MAMDC2: variants seen among roughly 807,000 people sequenced by gnomAD.
MAMDC2 encodes the protein MAM domain-containing protein 2.
MAMDC2 carries 57 observed loss-of-function variants against 89.8 expected under a neutral mutation model. The ratio of observed to expected loss-of-function variants is 0.63; its 90% CI spans 0.51 to 0.79. The LOEUF is 0.79. Among genes scored for constraint, MAMDC2 ranks in the 30% least tolerant of loss-of-function variants. The pLI, the probability that MAMDC2 is intolerant of heterozygous loss-of-function variation, is 0.00. For synonymous variants in MAMDC2, 313 were observed against 293.4 expected (o/e 1.07, Z -0.68); for missense variants, 800 against 820.6 (o/e 0.97, Z 0.31).
In MAMDC2 at chr9:70,044,261, G is replaced by T. The variant is rs1048456691; in HGVS notation, c.34+30G>T. The T allele has an allele frequency of 1.9e-6, 3 of 1,609,600 alleles. No individual in the cohort carries two copies. The South Asian group carries it at 3.3e-5, about 18-fold the overall frequency. On this transcript the variant is annotated intron_variant, in intron 1 of 13. Coordinates refer to ENST00000377182, the MANE Select transcript of MAMDC2 (RefSeq NM_153267.5). Reference sequence around the variant, plus strand: ...GGCCTGGACCCCGGGACAACCCCGGGGGCGCTCTGACGACTCGCCCCCGCT... The same window carrying T: ...GGCCTGGACCCCGGGACAACCCCGGTGGCGCTCTGACGACTCGCCCCCGCT...
intron 2 of MAMDC2, among the ~76,000 whole-genome samples, chr9:70,073,579 T>A (rs1265008226): frequency 6.6e-6 from 1 of 152,252 alleles, no homozygotes; most frequent in Non-Finnish European, 1.5e-5. Context: ...AAAGACTAGT[T>A]GGAAAAAACT....
In MAMDC2 at chr9:70,221,282, G is replaced by A. The variant is rs575683223; in HGVS notation, c.1911+2686G>A. Among the ~76,000 whole-genome samples the A allele has an allele frequency of 3.2e-4, 47 of 146,106 alleles. 1 individual carries two copies. In the South Asian group the frequency reaches 9.7e-3, roughly 30 times the overall value. On this transcript the variant is annotated intron_variant, in intron 12 of 13. Transcript: ENST00000377182. ...AGGTGGGAGGATTGCCTGAGGCCAG[G>A]AGTTTGAGGTTTGAGATCAGCCTGG... is the stretch of plus-strand genomic sequence containing the variant.
chr9:70,202,142 T>G (rs899918075), intron 11 of MAMDC2, among the ~76,000 whole-genome samples: 1 of 152,028 alleles, frequency 6.6e-6, no homozygotes, highest in Non-Finnish European at 1.5e-5. Context: ...TTAATTGTGA[T>G]GTTAGAGTGT....
chr9:70,109,779 C>A lies in MAMDC2; in HGVS notation c.480C>A (p.Ile160=). ...GNTASIALFE[I]KMTTGYCIEC... is the part of the protein sequence containing the mutation. Reference sequence around the variant, plus strand: ...CAGCCAGCATCGCACTATTTGAAATCAAGATGACAACCGGCTACTGTATTG... The same window carrying A: ...CAGCCAGCATCGCACTATTTGAAATAAAGATGACAACCGGCTACTGTATTG... The change falls in exon 4 of 14, where the codon ATC becomes ATA. Residue 160 remains isoleucine, a synonymous_variant. Transcript: ENST00000377182. The A allele has an allele frequency of 6.2e-7, 1 of 1,613,876 alleles. No homozygotes were observed. Among genetic ancestry groups the A allele is most frequent in the Non-Finnish European group, 8.5e-7 (1 of 1,179,770 alleles).
At chr9:70,133,264 A>G (rs2030874330) in intron 7 of MAMDC2, among the ~76,000 whole-genome samples, 1 of 152,212 alleles carries the variant, frequency 6.6e-6, no homozygotes, top group East Asian at 1.9e-4. Context: ...AGGCAGCTGG[A>G]AGTAACAGAA....
At chr9:70,150,085 T>G (rs1378647066) in intron 9 of MAMDC2, among the ~76,000 whole-genome samples, 1 of 152,162 alleles carries the variant, frequency 6.6e-6, no homozygotes, top group Non-Finnish European at 1.5e-5. Context: ...AGATCAGTAG[T>G]CCTCATGTGT....
At position 70,218,328 on chromosome 9, in the gene MAMDC2, C is replaced by T; in HGVS notation, c.1652-9C>T. 5.0e-6 allele frequency: 8 copies of T among 1,590,224 alleles called. No homozygotes were observed. The highest frequency in any genetic ancestry group is 6.9e-6 in the Non-Finnish European group (8 of 1,165,596). On this transcript the variant is annotated splice_polypyrimidine_tract_variant and intron_variant, in intron 11 of 13. Transcript: ENST00000377182. ...TTTTAACAATACCTGCTTTTGCATT[C>T]ACCTCAAGGCTACTACATGTACATT...
chr9:70,122,439 A>C (rs1201114956), intron 5 of MAMDC2, among the ~76,000 whole-genome samples: 1 of 152,184 alleles, frequency 6.6e-6, no homozygotes, highest in Admixed American at 6.5e-5. Flanking sequence ...CGTCATCTGC[A>C]AGGAAGATGA....
rs1418997590 is a variant in MAMDC2, at chr9:70,225,837, A to G, written c.1996+3A>G. On this transcript the variant is annotated splice_donor_region_variant and intron_variant, in intron 13 of 13. Coordinates refer to ENST00000377182, the MANE Select transcript of MAMDC2 (RefSeq NM_153267.5). ...ATTTCAGGCAGGACCCTGTGGAGGT[A>G]ATATTTTTTCCCAATCATATAAGCT... The G allele has an allele frequency of 6.2e-7, 1 of 1,600,232 alleles. No homozygotes were observed. Among genetic ancestry groups the G allele is most frequent in the Non-Finnish European group, 8.6e-7 (1 of 1,168,368 alleles).
At chr9:70,084,175 C>T (rs969329241) in intron 2 of MAMDC2, among the ~76,000 whole-genome samples, 3 of 152,030 alleles carry the variant, frequency 2.0e-5, no homozygotes, top group Non-Finnish European at 4.4e-5. Flanking sequence ...AGACGGGAGA[C>T]TCATAACCCT....
At chr9:70,166,992 C>T (rs2032196612) in intron 9 of MAMDC2, among the ~76,000 whole-genome samples, 1 of 152,148 alleles carries the variant, frequency 6.6e-6, no homozygotes, top group Non-Finnish European at 1.5e-5. Context: ...TAAAATATAA[C>T]CGCATTCAGG....
intron 11 of MAMDC2, among the ~76,000 whole-genome samples, chr9:70,204,546 G>GAGGC (rs1202847389): frequency 1.3e-5 from 2 of 150,248 alleles, no homozygotes; most frequent in East Asian, 4.0e-4. Context: ...GGAGCCTACA[G>GAGGC]AGGCAGGCAG....
At chr9:70,200,463 T>C (rs963083634) in intron 11 of MAMDC2, among the ~76,000 whole-genome samples, 184 of 151,608 alleles carry the variant, frequency 1.2e-3, no homozygotes, top group African/African-American at 4.0e-3. Context: ...AGCCTTGTAG[T>C]ATAGTTTGAA....
At chr9:70,119,956 G>C (rs2030208550) in intron 5 of MAMDC2, among the ~76,000 whole-genome samples, 1 of 152,188 alleles carries the variant, frequency 6.6e-6, no homozygotes, top group African/African-American at 2.4e-5. Flanking sequence ...CTTTAGTGTT[G>C]ACAGACAGGG....
chr9:70,092,051 T>C (rs1827914569), intron 2 of MAMDC2, among the ~76,000 whole-genome samples: 1 of 152,230 alleles, frequency 6.6e-6, no homozygotes. Flanking sequence ...CAGGGTAGAC[T>C]GCTTAATTCA....
At position 70,119,222 on chromosome 9, in the gene MAMDC2, G is replaced by C. The variant is rs114721331; in HGVS notation, c.643+6090G>C. On this transcript the variant is annotated intron_variant, in intron 5 of 13. Transcript: ENST00000377182. ...AAAAGATGATTGCTGGAAAAATAAT[G>C]AGGGATGCATCTCTTTGCTAAGATT... Among the ~76,000 whole-genome samples, 1,355 of 150,194 alleles carry C rather than the reference G, an allele frequency of 9.0e-3. 26 individuals carry two copies. Among genetic ancestry groups the C allele is most frequent in the African/African-American group, 0.032 (1,304 of 40,738 alleles).
At chr9:70,108,597 T>C in intron 3 of MAMDC2, 115 bp downstream of exon 3, 1 of 907,584 alleles carries the variant, frequency 1.1e-6, no homozygotes, top group Non-Finnish European at 1.6e-6. Context: ...TATGACGTGA[T>C]GTTTCATAAG....
chr9:70,133,087 A>G (rs1269433854), intron 7 of MAMDC2, among the ~76,000 whole-genome samples: 1 of 152,192 alleles, frequency 6.6e-6, no homozygotes, highest in Non-Finnish European at 1.5e-5. Context: ...CTATCAGTTG[A>G]TATTTCAATT....
intron 5 of MAMDC2, among the ~76,000 whole-genome samples, chr9:70,123,521 T>C (rs370373185): frequency 6.6e-6 from 1 of 152,220 alleles, no homozygotes; most frequent in East Asian, 1.9e-4. Flanking sequence ...ATTTGGCGCA[T>C]ACAAAGTTTA....
Sources: gnomAD v4.1 joint callset for allele counts (sites outside exome capture counted in the v4.1 genomes callset) on GRCh38, gnomAD v4.1.1 for gene constraint, MANE v1.5 for transcripts, NCBI Gene and HGNC (gene_info 2026-07-23, HGNC 2026-07-21) for gene names.